The following ECD variants were observed in gnomAD, a reference collection of about 807,000 sequenced individuals.
ECD encodes the protein ecdysoneless cell cycle regulator.
In ECD, 59 loss-of-function variants were observed where a neutral mutation model predicts 77.2. The observed-to-expected ratio is 0.76, with a 90% CI of 0.62 to 0.95. The LOEUF (loss-of-function observed/expected upper bound fraction) is 0.95. ECD is among the 40% of genes least tolerant of loss of function. The pLI, the probability that ECD is intolerant of heterozygous loss-of-function variation, is 0.00. For synonymous variants in ECD, 233 were observed against 267.4 expected (o/e 0.87, Z 1.26); for missense variants, 704 against 763.4 (o/e 0.92, Z 0.92).
At position 73,154,325 on chromosome 10, in the gene ECD, T is replaced by C; in HGVS notation, c.714A>G (p.Arg238=). The change falls in exon 6 of 14, where the codon CGA becomes CGG. Residue 238 remains arginine (R), a synonymous_variant. Transcript: ENST00000372979. ...VAAAVQAFYL[R]DPIDLRACRV... ...GACAAGCTCGCAGGTCAATAGGGTCTCGTAGGTAAAATGCCTGGACTGCTG... is the reference window on the plus strand; with the variant it reads ...GACAAGCTCGCAGGTCAATAGGGTCCCGTAGGTAAAATGCCTGGACTGCTG... The C allele has an allele frequency of 1.2e-6, 2 of 1,614,120 alleles. No homozygotes were observed. Among genetic ancestry groups the C allele is most frequent in the African/African-American group, 1.3e-5 (1 of 75,034 alleles).
intron 5 of ECD, 78 bp from the exon 6 acceptor site, chr10:73,154,526 G>C (rs895058733): frequency 1.5e-6 from 2 of 1,349,376 alleles, no homozygotes; most frequent in Admixed American, 2.8e-5. Flanking sequence ...CATTCTTTTT[G>C]ACATCTCTTT....
At chr10:73,138,118 C>A (rs951609290) in intron 11 of ECD, 48 bp from the exon 12 acceptor site, 3 of 1,393,454 alleles carry the variant, frequency 2.2e-6, no homozygotes, top group South Asian at 1.6e-5. Context: ...AAATACAACT[C>A]TTTGAAACTT....
At chr10:73,135,497 T>C (rs1842965487) in intron 13 of ECD, among the ~76,000 whole-genome samples, 1 of 152,006 alleles carries the variant, frequency 6.6e-6, no homozygotes, top group Non-Finnish European at 1.5e-5. Context: ...GGTGGGTGGA[T>C]CACTTGAGGT....
intron 1 of ECD, among the ~76,000 whole-genome samples, chr10:73,166,462 C>G (rs12243052): frequency 6.6e-6 from 1 of 152,080 alleles, no homozygotes; most frequent in African/African-American, 2.4e-5. Flanking sequence ...TATCCAAATC[C>G]TTGCCAGCAT....
chr10:73,147,456 A>G (rs1032558017), intron 8 of ECD, among the ~76,000 whole-genome samples: 97 of 152,028 alleles, frequency 6.4e-4, no homozygotes, highest in African/African-American at 2.3e-3. Context: ...GCTGAGGCTG[A>G]GGAGAATCGC....
At chr10:73,160,186 T>G (rs963077259) in intron 3 of ECD, among the ~76,000 whole-genome samples, 1 of 151,062 alleles carries the variant, frequency 6.6e-6, no homozygotes, top group African/African-American at 2.4e-5. Flanking sequence ...CTTGGGAGGC[T>G]GAGGCAGGAG....
In ECD at chr10:73,134,981, G is replaced by GC. The variant is rs532320638; in HGVS notation, c.1705-169dup. On this transcript the variant is annotated intron_variant, in intron 13 of 13. Transcript: ENST00000372979. ...GAAAATGAAGTCTACAAGTTATATG[G>GC]CCTAGCACACATAATAAAACTTGGT... Among the ~76,000 whole-genome samples the GC allele has an allele frequency of 2.5e-3, 388 of 152,224 alleles. 1 individual carries two copies. Among genetic ancestry groups the GC allele is most frequent in the Admixed American group, 8.8e-3 (135 of 15,290 alleles).
chr10:73,150,378 A>G (rs1209645797), intron 7 of ECD, among the ~76,000 whole-genome samples: 1 of 152,210 alleles, frequency 6.6e-6, no homozygotes, highest in African/African-American at 2.4e-5. Context: ...TTAATTCAAG[A>G]TGGATTGAAG....
rs189795737 is a variant in ECD at position 73,154,835 on chromosome 10, G to A, written c.591-387C>T. Among the ~76,000 whole-genome samples the A allele has an allele frequency of 3.5e-4, 53 of 151,976 alleles. 1 individual carries two copies. Among genetic ancestry groups the A allele is most frequent in the African/African-American group, 1.2e-3 (49 of 41,506 alleles). On this transcript the variant is annotated intron_variant, in intron 5 of 13. Transcript: ENST00000372979. ...TGTAGTCCCAGCTACTCGGGAGGCT[G>A]ACATAGGAGAATCGCTTGAACCCGG...
chr10:73,135,450 C>T (rs527450550), intron 13 of ECD, among the ~76,000 whole-genome samples: 1 of 152,156 alleles, frequency 6.6e-6, no homozygotes, highest in East Asian at 1.9e-4. Context: ...TGGGAGTGGT[C>T]GCTCATGCCT....
At position 73,153,762 on chromosome 10, in the gene ECD, A is replaced by G. The variant is rs547077902; in HGVS notation, c.783+494T>C. 3.3e-5 allele frequency among the ~76,000 whole-genome samples: 5 copies of G among 151,270 alleles called. No homozygotes were observed. The South Asian group carries it at 1.0e-3, about 32-fold the overall frequency. On this transcript the variant is annotated intron_variant, in intron 6 of 13. Transcript: ENST00000372979. ...AAAAAAAAAAAAAGGAAATAATTAT[A>G]GAAATAGAAACATATGGTCAAAAAT...
Position 73,134,576 on chromosome 10 carries a change from G to T in ECD, c.*7C>A. On this transcript the variant is annotated 3_prime_UTR_variant, in exon 14 of 14. Coordinates refer to ENST00000372979, the MANE Select transcript of ECD (RefSeq NM_007265.3). ...TAAAAAGAAAAAAGAGAAGCTAAAT[G>T]TGCTGGTTAATTTTTTGTTGGCTTA... The T allele has an allele frequency of 6.2e-7, 1 of 1,608,956 alleles. No homozygotes were observed. Among genetic ancestry groups the T allele is most frequent in the Non-Finnish European group, 8.5e-7 (1 of 1,175,782 alleles).
chr10:73,164,798 T>C (rs1363155100), intron 1 of ECD, among the ~76,000 whole-genome samples: 1 of 152,222 alleles, frequency 6.6e-6, no homozygotes, highest in East Asian at 1.9e-4. Context: ...TAAAACTTTA[T>C]CTTTAAAATT....
intron 7 of ECD, among the ~76,000 whole-genome samples, chr10:73,149,539 T>TTTA (rs1843175250): frequency 6.6e-6 from 1 of 152,184 alleles, no homozygotes; most frequent in Non-Finnish European, 1.5e-5. Context: ...ATTCAATAAA[T>TTTA]TACATGACAT....
At chr10:73,165,478 A>C (rs1441703662) in intron 1 of ECD, among the ~76,000 whole-genome samples, 1 of 151,562 alleles carries the variant, frequency 6.6e-6, no homozygotes, top group Non-Finnish European at 1.5e-5. Flanking sequence ...CAGCCTCCCG[A>C]GTAGCTGGGA....
intron 7 of ECD, among the ~76,000 whole-genome samples, chr10:73,148,678 T>A (rs987463355): frequency 6.6e-6 from 1 of 152,192 alleles, no homozygotes; most frequent in African/African-American, 2.4e-5. Context: ...TTCCTGCTGA[T>A]TACAAAACCA....
At chr10:73,163,561 T>C (rs1843408385) in intron 2 of ECD, among the ~76,000 whole-genome samples, 172 bp downstream of exon 2, 2 of 152,184 alleles carry the variant, frequency 1.3e-5, no homozygotes, top group South Asian at 4.1e-4. Flanking sequence ...TATGATTTTT[T>C]TTAAAAAAAA....
At chr10:73,158,133 G>T (rs1043182606) in intron 3 of ECD, among the ~76,000 whole-genome samples, 22 of 151,730 alleles carry the variant, frequency 1.4e-4, no homozygotes, top group African/African-American at 4.8e-4. Flanking sequence ...GCTAATTTTT[G>T]TATTTTTAGT....
In ECD at chr10:73,163,727, C is replaced by T. The variant is rs113152218; in HGVS notation, c.205+6G>A. 50 of 1,613,564 alleles carry T rather than the reference C, an allele frequency of 3.1e-5. No individual in the cohort carries two copies. Among genetic ancestry groups the T allele is most frequent in the African/African-American group, 2.7e-4 (20 of 75,000 alleles). Reference sequence around the variant, plus strand: ...ACACTAATCCAAACAAGTAAAAGAGCCTTACCTTTCCCAGGTTTATATTTA... The same window carrying T: ...ACACTAATCCAAACAAGTAAAAGAGTCTTACCTTTCCCAGGTTTATATTTA... On this transcript the variant is annotated splice_donor_region_variant and intron_variant, in intron 2 of 13. Transcript: ENST00000372979.
Sources: gnomAD v4.1 joint callset for allele counts (sites outside exome capture counted in the v4.1 genomes callset) on GRCh38, gnomAD v4.1.1 for gene constraint, MANE v1.5 for transcripts, NCBI Gene and HGNC (gene_info 2026-07-23, HGNC 2026-07-21) for gene names.